The following DNAJC3 variants were observed in gnomAD, a reference collection of about 807,000 sequenced individuals.
DNAJC3 encodes DnaJ heat shock protein family (Hsp40) member C3.
A neutral mutation model predicts 68.6 loss-of-function variants in DNAJC3; 38 were observed. The observed-to-expected ratio is 0.55, with a 90% confidence interval of 0.43 to 0.73. The LOEUF is 0.73. Among genes scored for constraint, DNAJC3 ranks in the 30% least tolerant of loss-of-function variants. The probability of loss-of-function intolerance (pLI) is 0.00; values close to 1 mark genes in which losing one functional copy is unlikely to be tolerated. For synonymous variants in DNAJC3, 203 were observed against 204.0 expected (o/e 1.00, Z 0.04); for missense variants, 526 against 591.9 (o/e 0.89, Z 1.16).
intron 4 of DNAJC3, among the ~76,000 whole-genome samples, chr13:95,755,744 G>A (rs1447629674): frequency 2.7e-5 from 3 of 111,134 alleles, no homozygotes; most frequent in Admixed American, 1.3e-4. Context: ...GTGACAGAGC[G>A]AGACGCCGTC....
At chr13:95,752,058 G>T (rs1334059400) in intron 4 of DNAJC3, among the ~76,000 whole-genome samples, 1 of 152,172 alleles carries the variant, frequency 6.6e-6, no homozygotes, top group Non-Finnish European at 1.5e-5. Flanking sequence ...TGGGGACACA[G>T]CCAAACCACA....
At chr13:95,738,303 A>T (rs1186185131) in intron 4 of DNAJC3, among the ~76,000 whole-genome samples, 2 of 150,446 alleles carry the variant, frequency 1.3e-5, no homozygotes, top group East Asian at 3.9e-4. Context: ...TATTCTGTTG[A>T]TTTGGGGTGG....
chr13:95,769,011 CTATAT>C (rs2139682700), intron 9 of DNAJC3, among the ~76,000 whole-genome samples: 1 of 151,096 alleles, frequency 6.6e-6, no homozygotes, highest in African/African-American at 2.5e-5. Flanking sequence ...ATATCTATAT[CTATAT>C]CTATATCTAT....
chr13:95,739,713 C>T lies in DNAJC3; in HGVS notation c.393+14461C>T, dbSNP rs1421954960. Among the ~76,000 whole-genome samples, 12 of 152,024 alleles carry T rather than the reference C, an allele frequency of 7.9e-5. No homozygotes were observed. In the South Asian group the frequency reaches 1.5e-3, roughly 18 times the overall value. On this transcript the variant is annotated intron_variant, in intron 4 of 11. Transcript: ENST00000602402. ...TTGGTTATTCTAGTTATACATTCTT[C>T]TAAATTTTTTTCAAAGTTTTCAACC...
chr13:95,764,640 G>A (rs12583106), intron 9 of DNAJC3, among the ~76,000 whole-genome samples: 1 of 78,900 alleles, frequency 1.3e-5, no homozygotes, highest in Admixed American at 1.6e-4. Flanking sequence ...TTGAAAAATA[G>A]AATCCATATA....
At chr13:95,763,038 T>C (rs1030112063) in intron 7 of DNAJC3, among the ~76,000 whole-genome samples, 1 of 152,260 alleles carries the variant, frequency 6.6e-6, no homozygotes, top group Non-Finnish European at 1.5e-5. Flanking sequence ...TTTTTTACTT[T>C]ACTATTGTTG....
intron 11 of DNAJC3, among the ~76,000 whole-genome samples, chr13:95,788,590 T>G (rs933104495): frequency 4.6e-5 from 7 of 152,250 alleles, no homozygotes; most frequent in Admixed American, 3.3e-4. Context: ...AACTTAATTT[T>G]CACTTGAAAT....
At position 95,760,196 on chromosome 13, in the gene DNAJC3, C is replaced by G. The variant is rs1318563244; in HGVS notation, c.703C>G (p.Leu235Val). 3.8e-6 allele frequency: 6 copies of G among 1,599,362 alleles called. No homozygotes were observed. Among genetic ancestry groups the G allele is most frequent in the Non-Finnish European group, 5.1e-6 (6 of 1,172,896 alleles). The part of the protein sequence containing the change: ...FYKISTLYYQ[L>V]GDHELSLSEV... ...TAAAATAAGCACACTGTACTACCAA[C>G]TAGGAGACCACGAACTGTCCCTCAG... is the stretch of plus-strand genomic sequence containing the variant. Residue 235 changes from leucine (L) to valine (V), a missense_variant, in exon 6 of 12, where the codon CTA becomes GTA. Coordinates refer to ENST00000602402, the MANE Select transcript of DNAJC3 (RefSeq NM_006260.5).
At chr13:95,766,929 T>A (rs763535844) in intron 9 of DNAJC3, among the ~76,000 whole-genome samples, 1 of 152,144 alleles carries the variant, frequency 6.6e-6, no homozygotes, top group Non-Finnish European at 1.5e-5. Flanking sequence ...CTTGAACTCC[T>A]GACCTCGTGA....
At position 95,791,042 on chromosome 13, in the gene DNAJC3, T is replaced by C; in HGVS notation, c.*12T>C. On this transcript the variant is annotated 3_prime_UTR_variant, in exon 12 of 12. Transcript: ENST00000602402. ...TCCACTTCAATTAAACCAACTGTTTTTCTGCTCTTCTTAATTTTTTTAAAG... is the reference window on the plus strand; with the variant it reads ...TCCACTTCAATTAAACCAACTGTTTCTCTGCTCTTCTTAATTTTTTTAAAG... The C allele has an allele frequency of 1.2e-6, 2 of 1,611,198 alleles. No individual in the cohort carries two copies. The highest frequency in any genetic ancestry group is 1.7e-6 in the Non-Finnish European group (2 of 1,179,306).
chr13:95,743,368 A>G (rs1882207359), intron 4 of DNAJC3, among the ~76,000 whole-genome samples: 1 of 152,224 alleles, frequency 6.6e-6, no homozygotes, highest in African/African-American at 2.4e-5. Flanking sequence ...GGTTACAGCT[A>G]GGCCTTTGCC....
chr13:95,768,349 G>T (rs1883066158), intron 9 of DNAJC3, among the ~76,000 whole-genome samples: 1 of 152,112 alleles, frequency 6.6e-6, no homozygotes, highest in African/African-American at 2.4e-5. Context: ...AGGTTGTTTG[G>T]AACTTGCATT....
intron 1 of DNAJC3, among the ~76,000 whole-genome samples, chr13:95,706,924 G>A (rs994484915): frequency 6.6e-6 from 1 of 152,126 alleles, no homozygotes; most frequent in African/African-American, 2.4e-5. Flanking sequence ...ACCATGACTT[G>A]ATCTGAAAGT....
chr13:95,692,480 A>G (rs897267364), intron 1 of DNAJC3: 8 of 152,070 alleles, frequency 5.3e-5, no homozygotes, highest in African/African-American at 1.9e-4. Flanking sequence ...TATGTTTAGC[A>G]TAGTTAAATA....
intron 1 of DNAJC3, chr13:95,694,725 A>G (rs1415305618): frequency 1.3e-5 from 2 of 152,648 alleles, no homozygotes; most frequent in East Asian, 1.9e-4. Context: ...ATTTCTGGCC[A>G]TACACTACAC....
chr13:95,758,720 T>G (rs1346455515), intron 5 of DNAJC3, among the ~76,000 whole-genome samples: 1 of 152,198 alleles, frequency 6.6e-6, no homozygotes, highest in Non-Finnish European at 1.5e-5. Context: ...AAGGATTTAA[T>G]GACAACTGAT....
At chr13:95,705,947 T>G (rs1880729243) in intron 1 of DNAJC3, among the ~76,000 whole-genome samples, 1 of 152,196 alleles carries the variant, frequency 6.6e-6, no homozygotes, top group Non-Finnish European at 1.5e-5. Flanking sequence ...CAGTCCAACC[T>G]TCCTATCTCT....
intron 4 of DNAJC3, among the ~76,000 whole-genome samples, chr13:95,737,314 A>G (rs1881959405): frequency 6.6e-6 from 1 of 152,304 alleles, no homozygotes; most frequent in East Asian, 1.9e-4. Flanking sequence ...TGGCTTTGGT[A>G]TCAGAATGAT....
intron 4 of DNAJC3, among the ~76,000 whole-genome samples, chr13:95,740,504 A>C (rs1566493655): frequency 6.6e-6 from 1 of 152,200 alleles, no homozygotes; most frequent in Non-Finnish European, 1.5e-5. Context: ...TGCCGGATAT[A>C]ATCTCGTGGT....
Sources: allele counts gnomAD v4.1 joint callset (sites outside exome capture counted in the v4.1 genomes callset), GRCh38; gene constraint gnomAD v4.1.1; transcripts MANE v1.5; gene names NCBI Gene and HGNC (gene_info 2026-07-23, HGNC 2026-07-21).